CASR: variants seen among roughly 807,000 people sequenced by gnomAD.
The protein encoded by CASR is calcium sensing receptor.
In CASR, 23 loss-of-function variants were observed where a neutral mutation model predicts 69.1. That is an observed-to-expected ratio of 0.33 (90% CI 0.24 to 0.47). CASR has a LOEUF of 0.47. Ranked by LOEUF, CASR falls within the 20% of genes least tolerant of loss-of-function variation. The probability of loss-of-function intolerance (pLI) is 1.00; values close to 1 mark genes in which losing one functional copy is unlikely to be tolerated. For synonymous variants in CASR, 541 were observed against 544.7 expected (o/e 0.99, Z 0.10); for missense variants, 924 against 1,356.1 (o/e 0.68, Z 5.00).
At chr3:122,264,114 A>AG (rs1250615892) in intron 4 of CASR, among the ~76,000 whole-genome samples, 1 of 151,674 alleles carries the variant, frequency 6.6e-6, no homozygotes, top group East Asian at 1.9e-4. Context: ...TGTGAGAAAA[A>AG]AAAAAAAGCC....
chr3:122,251,222 T>A (rs115333982), intron 1 of CASR, among the ~76,000 whole-genome samples: 1 of 152,146 alleles, frequency 6.6e-6, no homozygotes, highest in Admixed American at 6.5e-5. Context: ...GATTAAGAGA[T>A]TGAGCTCTGG....
chr3:122,192,871 A>G (rs937443200), intron 1 of CASR, among the ~76,000 whole-genome samples: 5 of 152,220 alleles, frequency 3.3e-5, no homozygotes, highest in Admixed American at 6.5e-5. Context: ...CTCACGATCC[A>G]GCTGCCTCTC....
chr3:122,254,506 T>G, intron 2 of CASR, 132 bp downstream of exon 2: 1 of 887,864 alleles, frequency 1.1e-6, no homozygotes, highest in Non-Finnish European at 1.8e-6. Flanking sequence ...GTAATCATGC[T>G]GAAGCTTATT....
intron 1 of CASR, among the ~76,000 whole-genome samples, chr3:122,252,459 G>GAAAGACAGAAAGAAAGAAAAAAAAGAA (rs2074507052): frequency 4.8e-5 from 3 of 62,288 alleles, no homozygotes; most frequent in Non-Finnish European, 9.3e-5. Context: ...AAAAAGAAAA[G>GAAAGACAGAAAGAAAGAAAAAAAAGAA]AAAGAAAAGA....
chr3:122,262,141 C>G lies in CASR; in HGVS notation c.1106C>G (p.Pro369Arg). The G allele has an allele frequency of 6.2e-7, 1 of 1,614,194 alleles. No individual in the cohort carries two copies. Among genetic ancestry groups the G allele is most frequent in the Non-Finnish European group, 8.5e-7 (1 of 1,180,016 alleles). ...HLQEGAKGPL[P>R]VDTFLRGHEE... ...CAAGAAGGTGCAAAAGGACCTTTAC[C>G]TGTGGACACCTTTCTGAGAGGTCAC... is the stretch of plus-strand genomic sequence containing the variant. Residue 369 changes from proline to arginine, a missense_variant, in exon 4 of 7, where the codon CCT (proline) becomes CGT (arginine). Coordinates refer to ENST00000639785, the MANE Select transcript of CASR (RefSeq NM_000388.4).
rs780202937 is a variant in CASR at position 122,275,861 on chromosome 3, A to G, written c.1427A>G (p.Gln476Arg). 6.2e-7 allele frequency: 1 copy of G among 1,614,176 alleles called. No individual in the cohort carries two copies. The highest frequency in any genetic ancestry group is 2.2e-5 in the East Asian group (1 of 44,884). ...HLNFTNNMGE[Q>R]VTFDECGDLV... ...AACTTTACAAACAATATGGGGGAGC[A>G]GGTGACCTTTGATGAGTGTGGTGAC... Residue 476 changes from glutamine to arginine, a missense_variant, in exon 5 of 7, where the codon CAG (glutamine) becomes CGG (arginine). Gln to Arg is a conservative substitution (Grantham distance 43). This residue lies in a region of CASR where 310 missense variants were observed against 395.7 expected (regional missense o/e 0.78). Coordinates refer to ENST00000639785, the MANE Select transcript of CASR (RefSeq NM_000388.4).
At chr3:122,257,480 T>G in intron 3 of CASR, 93 bp downstream of exon 3, 1 of 877,892 alleles carries the variant, frequency 1.1e-6, no homozygotes, top group East Asian at 2.5e-5. Flanking sequence ...GTTTACCATA[T>G]TCCCATCTCT....
Position 122,257,375 on chromosome 3 carries a change from C to T in CASR, c.480C>T (p.Phe160=). 6.2e-7 allele frequency: 1 copy of T among 1,613,504 alleles called. No individual in the cohort carries two copies. The highest frequency in any genetic ancestry group is 8.5e-7 in the Non-Finnish European group (1 of 1,179,586). Residue 160 remains phenylalanine (F), a synonymous_variant, in exon 3 of 7, where the codon TTC becomes TTT. Coordinates refer to ENST00000639785, the MANE Select transcript of CASR (RefSeq NM_000388.4). The part of the protein sequence containing the change: ...STAVANLLGL[F]YIPQVSYASS... The stretch of plus-strand genomic sequence containing the variant: ...CAGTGGCAAATCTGCTGGGGCTCTT[C>T]TACATTCCCCAGGTACTCAAGCCTT...
At chr3:122,236,592 A>G (rs193149824) in intron 1 of CASR, among the ~76,000 whole-genome samples, 99 of 152,350 alleles carry the variant, frequency 6.5e-4, no homozygotes, top group Non-Finnish European at 9.7e-4. Context: ...AAGCAAATGT[A>G]TATTAGGAAA....
chr3:122,256,514 T>C (rs1576853773), intron 2 of CASR, among the ~76,000 whole-genome samples: 3 of 152,390 alleles, frequency 2.0e-5, no homozygotes, highest in Middle Eastern at 6.8e-3. Context: ...ATTATTGCTC[T>C]CTGTCTCTGT....
At chr3:122,218,717 A>G (rs551109263) in intron 1 of CASR, among the ~76,000 whole-genome samples, 1 of 152,344 alleles carries the variant, frequency 6.6e-6, no homozygotes, top group South Asian at 2.1e-4. Flanking sequence ...TGAACAAAAC[A>G]GAAAAGTCTC....
chr3:122,232,148 C>T (rs888301674), intron 1 of CASR, among the ~76,000 whole-genome samples: 6 of 152,018 alleles, frequency 3.9e-5, no homozygotes, highest in Non-Finnish European at 7.4e-5. Flanking sequence ...TTCACAATCC[C>T]TTTTTTTTAT....
chr3:122,209,279 A>G (rs745562891), intron 1 of CASR, among the ~76,000 whole-genome samples: 3 of 152,236 alleles, frequency 2.0e-5, no homozygotes. Context: ...AAGGATTTAC[A>G]GCTGAATTCT....
Position 122,256,880 on chromosome 3 carries a change from C to T in CASR, c.186-201C>T, listed in dbSNP as rs534985586. On this transcript the variant is annotated intron_variant, in intron 2 of 6. Transcript: ENST00000639785. ...AAGTGATCCACCCGCCTCGGCCTCCCGAAGTGCTGAGATTACAGGCGTGAG... is the reference window on the plus strand; with the variant it reads ...AAGTGATCCACCCGCCTCGGCCTCCTGAAGTGCTGAGATTACAGGCGTGAG... Among the ~76,000 whole-genome samples, 10 of 152,336 alleles carry T rather than the reference C, an allele frequency of 6.6e-5. No homozygotes were observed. The South Asian group carries it at 1.5e-3, about 22-fold the overall frequency.
chr3:122,196,374 A>G (rs1192161788), intron 1 of CASR, among the ~76,000 whole-genome samples: 1 of 152,212 alleles, frequency 6.6e-6, no homozygotes, highest in Non-Finnish European at 1.5e-5. Context: ...AATATGTAAC[A>G]TATATCTAAA....
rs78453107 is a variant in CASR, at chr3:122,273,018, C to A, written c.1378-2794C>A. Among the ~76,000 whole-genome samples, 443 of 152,330 alleles carry A rather than the reference C, an allele frequency of 2.9e-3. 2 individuals are homozygous for A. The highest frequency in any genetic ancestry group is 0.01 in the African/African-American group (419 of 41,568). On this transcript the variant is annotated intron_variant, in intron 4 of 6. Transcript: ENST00000639785. ...AAGGATCTTGTGCAGTTCCCCTCCC[C>A]ACTTCTACCCTGATGCTGGGAGAGT...
chr3:122,261,570 C>A lies in CASR; in HGVS notation c.535C>A (p.Gln179Lys). 6.2e-7 allele frequency: 1 copy of A among 1,614,146 alleles called. No individual in the cohort carries two copies. The highest frequency in any genetic ancestry group is 1.1e-5 in the South Asian group (1 of 91,036). ...CAGCAGACTCCTCAGCAACAAGAAT[C>A]AATTCAAGTCTTTCCTCCGAACCAT... The part of the protein sequence containing the change: ...SSSRLLSNKN[Q>K]FKSFLRTIPN... The change falls in exon 4 of 7, where the codon CAA (glutamine) becomes AAA (lysine). Residue 179 changes from glutamine (Q) to lysine (K), a missense_variant. Around this residue, in one of 8 missense-constraint regions of CASR, gnomAD observed 141 missense variants for 283.0 expected, o/e 0.50. Transcript: ENST00000639785.
intron 1 of CASR, among the ~76,000 whole-genome samples, chr3:122,209,419 A>C (rs1470256544): frequency 2.6e-5 from 4 of 152,234 alleles, no homozygotes; most frequent in African/African-American, 9.6e-5. Flanking sequence ...AAGAGGTTTA[A>C]TTGGACTTAC....
At chr3:122,213,260 C>T (rs2074086000) in intron 1 of CASR, among the ~76,000 whole-genome samples, 1 of 152,136 alleles carries the variant, frequency 6.6e-6, no homozygotes, top group South Asian at 2.1e-4. Flanking sequence ...CTTTTGAAAA[C>T]CTAGTGCATT....
Sources: gnomAD v4.1 joint callset for allele counts (sites outside exome capture counted in the v4.1 genomes callset) on GRCh38, gnomAD v4.1.1 for gene constraint, gnomAD v4.1.1 regional missense constraint, MANE v1.5 for transcripts, NCBI Gene and HGNC (gene_info 2026-07-23, HGNC 2026-07-21) for gene names.